Variants in ACYP2 observed in about 807,000 individuals in gnomAD.
ACYP2 encodes the protein acylphosphatase-2.
ACYP2 carries 12 observed loss-of-function variants against 11.2 expected under a neutral mutation model. The observed-to-expected ratio is 1.08, with a 90% CI of 0.69 to 1.74. The LOEUF (loss-of-function observed/expected upper bound fraction) is 1.74. Ranked by LOEUF, ACYP2 falls within the 40% of genes most tolerant of loss-of-function variation. ACYP2 has a pLI of 0.00. For synonymous variants in ACYP2, 43 were observed against 32.2 expected (o/e 1.33, Z -1.13); for missense variants, 134 against 101.9 (o/e 1.31, Z -1.35).
chr2:54,115,671 GCTC>G (rs754867282), intron 4 of ACYP2: 116 of 1,606,548 alleles, frequency 7.2e-5, no homozygotes, highest in Non-Finnish European at 8.8e-5. Context: ...CCCCTCTCCG[GCTC>G]CTCAACAGAG....
rs185155595 is a variant in ACYP2, at chr2:54,168,971, C to T, written c.404+30223C>T. On this transcript the variant is annotated intron_variant, in intron 6 of 6. Coordinates refer to ENST00000607452, the MANE Select transcript of ACYP2 (RefSeq NM_001320586.2). The stretch of plus-strand genomic sequence containing the variant: ...AGATGAGCCAAAGCTTTATTTTTGG[C>T]GTCATTTTCCTTTAAACCTGTTGGG... 2.7e-3 allele frequency among the ~76,000 whole-genome samples: 410 copies of T among 152,230 alleles called. 1 individual carries two copies. Among genetic ancestry groups the T allele is most frequent in the Non-Finnish European group, 3.9e-3 (265 of 68,020 alleles).
At chr2:54,295,038 A>T (rs1689464354) in intron 6 of ACYP2, among the ~76,000 whole-genome samples, 1 of 152,238 alleles carries the variant, frequency 6.6e-6, no homozygotes. Flanking sequence ...GAGTGTATAC[A>T]GCTGTGCACT....
At chr2:54,230,163 A>T (rs575371812) in intron 6 of ACYP2, among the ~76,000 whole-genome samples, 2 of 152,194 alleles carry the variant, frequency 1.3e-5, no homozygotes, top group Non-Finnish European at 2.9e-5. Context: ...TCCACATTCT[A>T]TAGAGAATCC....
intron 2 of ACYP2, among the ~76,000 whole-genome samples, chr2:54,043,509 A>T (rs2104564962): frequency 6.6e-6 from 1 of 152,338 alleles, no homozygotes; most frequent in Non-Finnish European, 1.5e-5. Flanking sequence ...GATATGAATG[A>T]AAAATCTATC....
intron 6 of ACYP2, among the ~76,000 whole-genome samples, chr2:54,183,705 C>A (rs1005858144): frequency 1.3e-5 from 2 of 152,164 alleles, no homozygotes; most frequent in East Asian, 1.9e-4. Context: ...TCAAAAATGT[C>A]ATTTATCTTC....
intron 4 of ACYP2, among the ~76,000 whole-genome samples, chr2:54,117,521 G>A (rs1679878857): frequency 6.6e-6 from 1 of 152,122 alleles, no homozygotes; most frequent in African/African-American, 2.4e-5. Flanking sequence ...TCGAAATCCT[G>A]GCTTCAAGGG....
intron 6 of ACYP2, among the ~76,000 whole-genome samples, chr2:54,231,003 G>T (rs1386126362): frequency 6.6e-6 from 1 of 151,448 alleles, no homozygotes; most frequent in East Asian, 2.0e-4. Context: ...GCTAATTTTT[G>T]TATTTTTAGT....
At chr2:54,219,419 A>C (rs1368381499) in intron 6 of ACYP2, among the ~76,000 whole-genome samples, 1 of 152,174 alleles carries the variant, frequency 6.6e-6, no homozygotes, top group Non-Finnish European at 1.5e-5. Context: ...GAGGTCTTTG[A>C]ATGCCACCGT....
intron 6 of ACYP2, among the ~76,000 whole-genome samples, chr2:54,183,526 G>A (rs184881147): frequency 6.7e-5 from 10 of 150,332 alleles, no homozygotes; most frequent in East Asian, 3.9e-4. Flanking sequence ...AGCGAGACCC[G>A]GTCTCAAAAA....
chr2:54,035,735 C>A (rs1674864560), intron 2 of ACYP2, among the ~76,000 whole-genome samples: 1 of 152,118 alleles, frequency 6.6e-6, no homozygotes, highest in Non-Finnish European at 1.5e-5. Flanking sequence ...GTGAAACTTA[C>A]CTGTTGGCAC....
At chr2:54,244,394 G>A (rs1422512563) in intron 6 of ACYP2, among the ~76,000 whole-genome samples, 1 of 152,054 alleles carries the variant, frequency 6.6e-6, no homozygotes, top group Non-Finnish European at 1.5e-5. Context: ...TAGAGATGGA[G>A]TTTCACCATG....
chr2:54,266,477 G>C (rs1688022587), intron 6 of ACYP2, among the ~76,000 whole-genome samples: 1 of 150,412 alleles, frequency 6.6e-6, no homozygotes, highest in Non-Finnish European at 1.5e-5. Context: ...CTATAAACCA[G>C]GTACTATCAT....
intron 2 of ACYP2, among the ~76,000 whole-genome samples, chr2:53,994,547 G>C (rs1672474631): frequency 1.3e-5 from 2 of 149,784 alleles, no homozygotes; most frequent in African/African-American, 4.9e-5. Flanking sequence ...AAACTGGCAG[G>C]AAAGAGGTCA....
At chr2:54,100,372 G>A (rs1195533470) in intron 4 of ACYP2, among the ~76,000 whole-genome samples, 7 of 149,116 alleles carry the variant, frequency 4.7e-5, no homozygotes, top group South Asian at 4.2e-4. Context: ...GCATGATCAC[G>A]GCTCACTGAA....
intron 2 of ACYP2, among the ~76,000 whole-genome samples, chr2:54,014,644 A>G (rs1468763231): frequency 6.6e-6 from 1 of 152,050 alleles, no homozygotes; most frequent in Non-Finnish European, 1.5e-5. Flanking sequence ...TTTTTAAATA[A>G]GCTCTTTTTA....
chr2:54,109,443 T>G (rs1679340309), intron 4 of ACYP2, among the ~76,000 whole-genome samples: 1 of 152,080 alleles, frequency 6.6e-6, no homozygotes, highest in African/African-American at 2.4e-5. Flanking sequence ...ATAAAAAAAC[T>G]GCATATTGGG....
At chr2:54,204,405 G>A (rs1684989596) in intron 6 of ACYP2, among the ~76,000 whole-genome samples, 1 of 151,898 alleles carries the variant, frequency 6.6e-6, no homozygotes, top group African/African-American at 2.4e-5. Flanking sequence ...GTGGCCCAGG[G>A]AAGCCAAAAG....
chr2:54,206,330 T>G (rs1403917290), intron 6 of ACYP2, among the ~76,000 whole-genome samples: 2 of 152,250 alleles, frequency 1.3e-5, no homozygotes, highest in Admixed American at 1.3e-4. Flanking sequence ...AATTGTAATT[T>G]AGATCTGTTA....
At position 54,201,668 on chromosome 2, in the gene ACYP2, TTCTTTCTTTCTTTCTC is replaced by T. The variant is rs1558609089; in HGVS notation, c.404+62924_404+62939del. 5.8e-3 allele frequency among the ~76,000 whole-genome samples: 641 copies of T among 109,746 alleles called. 6 individuals are homozygous for T. The highest frequency in any genetic ancestry group is 0.022 in the African/African-American group (616 of 28,492). 72.0% of individuals were successfully genotyped at this position (109,746 alleles called of 152,430 possible). ...TTTCTTTCTTTCTTTCTTTCTTTCT[TTCTTTCTTTCTTTCTC>T]TCTCTCTCTCTCTCTTTTTTCTTTT... On this transcript the variant is annotated intron_variant, in intron 6 of 6. Transcript: ENST00000607452.
Sources: allele counts gnomAD v4.1 joint callset (sites outside exome capture counted in the v4.1 genomes callset), GRCh38; gene constraint gnomAD v4.1.1; transcripts MANE v1.5; gene names NCBI Gene and HGNC (gene_info 2026-07-23, HGNC 2026-07-21).